Variants in SLC14A2 observed in about 807,000 individuals in gnomAD.
SLC14A2 encodes urea transporter 2.
SLC14A2 carries 91 observed loss-of-function variants against 104.6 expected under a neutral mutation model. That is an observed-to-expected ratio of 0.87 (90% confidence interval 0.73 to 1.04). The LOEUF is 1.04. SLC14A2 is among the 50% of genes least tolerant of loss of function. The pLI, the probability that SLC14A2 is intolerant of heterozygous loss-of-function variation, is 0.00. For missense variants in SLC14A2, 1,189 were observed against 1,156.0 expected (o/e 1.03, Z -0.41); for synonymous variants, 476 against 466.4 (o/e 1.02, Z -0.27).
rs35849093 is a variant in SLC14A2, at chr18:45,470,986, TTG to T, written c.-124-12231_-124-12230del. 5.3e-5 allele frequency among the ~76,000 whole-genome samples: 8 copies of T among 151,278 alleles called. No homozygotes were observed. In the East Asian group the frequency reaches 7.8e-4, roughly 15 times the overall value. ...GTGTTCTCAAATCATAATTTCCAGT[TTG>T]TGTGTGTGTGTGTGTTGTAATCCTA... On this transcript the variant is annotated intron_variant, in intron 1 of 20. Transcript: ENST00000586448.
intron 1 of SLC14A2, among the ~76,000 whole-genome samples, chr18:45,364,122 T>C (rs1050898355): frequency 2.0e-4 from 30 of 152,194 alleles, no homozygotes. Flanking sequence ...GCTCTGTAGC[T>C]GTCTGAGTCA....
At chr18:45,587,818 C>T (rs1302920490) in intron 2 of SLC14A2, among the ~76,000 whole-genome samples, 1 of 152,148 alleles carries the variant, frequency 6.6e-6, no homozygotes, top group African/African-American at 2.4e-5. Flanking sequence ...CTCACCAGTT[C>T]ACGGTCTGCT....
chr18:45,475,650 T>G (rs1213611631), intron 1 of SLC14A2, among the ~76,000 whole-genome samples: 5 of 23,574 alleles, frequency 2.1e-4, no homozygotes, highest in Non-Finnish European at 3.3e-4. Context: ...AGGATATATA[T>G]ATATATATAT....
chr18:45,397,748 C>G (rs965709505), intron 1 of SLC14A2, among the ~76,000 whole-genome samples: 5 of 151,912 alleles, frequency 3.3e-5, no homozygotes, highest in African/African-American at 1.2e-4. Context: ...CTGACTCTGC[C>G]ACTTACTAGC....
At chr18:45,256,560 A>C (rs2084480722) in intron 1 of SLC14A2, among the ~76,000 whole-genome samples, 1 of 152,200 alleles carries the variant, frequency 6.6e-6, no homozygotes, top group African/African-American at 2.4e-5. Context: ...GGAACAGTTA[A>C]ACTCAATTCG....
intron 1 of SLC14A2, among the ~76,000 whole-genome samples, chr18:45,371,241 T>A (rs2085719389): frequency 6.6e-6 from 1 of 152,210 alleles, no homozygotes. Flanking sequence ...GATCTCCTTC[T>A]GTTCACCAAA....
At chr18:45,334,328 G>T (rs936687275) in intron 1 of SLC14A2, among the ~76,000 whole-genome samples, 2 of 152,168 alleles carry the variant, frequency 1.3e-5, no homozygotes, top group African/African-American at 4.8e-5. Flanking sequence ...CCAGTAGCAT[G>T]AGGAAGCACT....
At chr18:45,353,568 A>C (rs1389962086) in intron 1 of SLC14A2, among the ~76,000 whole-genome samples, 1 of 152,168 alleles carries the variant, frequency 6.6e-6, no homozygotes. Flanking sequence ...AATTGTTCTT[A>C]CCTCTTAGTT....
At chr18:45,245,007 C>T (rs2084355006) in intron 1 of SLC14A2, among the ~76,000 whole-genome samples, 1 of 152,212 alleles carries the variant, frequency 6.6e-6, no homozygotes, top group African/African-American at 2.4e-5. Flanking sequence ...GGCAATCCAA[C>T]TCTTCTGGCT....
At chr18:45,670,368 T>C (rs1415178218) in intron 16 of SLC14A2, among the ~76,000 whole-genome samples, 1 of 152,156 alleles carries the variant, frequency 6.6e-6, no homozygotes, top group Admixed American at 6.5e-5. Flanking sequence ...CCTAGAGAAA[T>C]GTGCCTATTA....
At chr18:45,474,715 G>A (rs1235372303) in intron 1 of SLC14A2, among the ~76,000 whole-genome samples, 1 of 152,174 alleles carries the variant, frequency 6.6e-6, no homozygotes, top group Non-Finnish European at 1.5e-5. Flanking sequence ...CGTAGGTTCA[G>A]TGGTGATATC....
rs34543837 is a variant in SLC14A2 at position 45,500,576 on chromosome 18, CAAAA to C, written c.-35+17271_-35+17274del. Among the ~76,000 whole-genome samples, 8 of 93,876 alleles carry C rather than the reference CAAAA, an allele frequency of 8.5e-5. No individual in the cohort carries two copies. The South Asian group carries it at 1.1e-3, about 13-fold the overall frequency. The allele number at this position is 93,876 out of a possible 152,430, so 61.6% of individuals were successfully genotyped here. A position where few individuals can be genotyped will look rare whatever the true frequency, so the allele number is the denominator to read the frequency against. On this transcript the variant is annotated intron_variant, in intron 2 of 20. Coordinates refer to the SLC14A2 transcript ENST00000586448. Reference sequence around the variant, plus strand: ...TGGGCGACAGAGCGAGACTCCGTCTCAAAAAAAAAAAAAAAAAAAAGAAATCCTG... The same window carrying C: ...TGGGCGACAGAGCGAGACTCCGTCTCAAAAAAAAAAAAAAAAGAAATCCTG...
chr18:45,317,400 C>A (rs2085140505), intron 1 of SLC14A2, among the ~76,000 whole-genome samples: 1 of 152,148 alleles, frequency 6.6e-6, no homozygotes. Flanking sequence ...AGCTTGTAGT[C>A]CACTGTGGAA....
At chr18:45,477,542 C>T (rs1360707236) in intron 1 of SLC14A2, among the ~76,000 whole-genome samples, 3 of 152,134 alleles carry the variant, frequency 2.0e-5, no homozygotes, top group Non-Finnish European at 4.4e-5. Context: ...TCTTCAGAGT[C>T]GGCAGGCAGG....
intron 4 of SLC14A2, among the ~76,000 whole-genome samples, chr18:45,629,917 TTTTGCTTCTGTG>T (rs2045318895): frequency 6.6e-6 from 1 of 152,190 alleles, no homozygotes; most frequent in African/African-American, 2.4e-5. Context: ...AGTTAAGTAC[TTTTGCTTCTGTG>T]ATCCCTGACA....
intron 1 of SLC14A2, among the ~76,000 whole-genome samples, chr18:45,452,728 C>T (rs1027980201): frequency 3.9e-5 from 6 of 152,170 alleles, no homozygotes; most frequent in African/African-American, 1.4e-4. Flanking sequence ...CAGTAGGTCA[C>T]AAGTCAAAGC....
In SLC14A2 at chr18:45,673,062, T is replaced by C. The variant is rs1002717186; in HGVS notation, c.2377+15T>C. On this transcript the variant is annotated intron_variant, in intron 17 of 19. Transcript: ENST00000255226. Reference sequence around the variant, plus strand: ...GATGCTAGCAGGTCTGTGTCCTCACTTCCCTGGGCTGTGAGGGGGTTAGAG... The same window carrying C: ...GATGCTAGCAGGTCTGTGTCCTCACCTCCCTGGGCTGTGAGGGGGTTAGAG... 34 of 1,611,782 alleles carry C rather than the reference T, an allele frequency of 2.1e-5. No homozygotes were observed. Among genetic ancestry groups the C allele is most frequent in the Non-Finnish European group, 2.8e-5 (33 of 1,178,688 alleles).
At position 45,379,727 on chromosome 18, in the gene SLC14A2, G is replaced by C. The variant is rs2085813352; in HGVS notation, c.-124-103506G>C. 2.6e-5 allele frequency among the ~76,000 whole-genome samples: 4 copies of C among 152,158 alleles called. No homozygotes were observed. The South Asian group carries it at 8.3e-4, about 32-fold the overall frequency. On this transcript the variant is annotated intron_variant, in intron 1 of 20. Transcript: ENST00000586448. ...CACACCAAGTGTGGGATTATTTTAA[G>C]CTTTCATAACCATTTTAGATAAAAT...
chr18:45,572,308 C>T (rs1016105783), intron 2 of SLC14A2, among the ~76,000 whole-genome samples: 8 of 152,194 alleles, frequency 5.3e-5, no homozygotes, highest in East Asian at 1.9e-4. Flanking sequence ...CAAATCACCA[C>T]GTAAATATCC....
Sources: allele counts gnomAD v4.1 joint callset (sites outside exome capture counted in the v4.1 genomes callset), GRCh38; gene constraint gnomAD v4.1.1; transcripts MANE v1.5; gene names NCBI Gene and HGNC (gene_info 2026-07-23, HGNC 2026-07-21).